TMEM165: variants seen among roughly 807,000 people sequenced by gnomAD.
TMEM165 encodes transmembrane protein 165, also known as putative divalent cation/proton antiporter TMEM165.
A neutral mutation model predicts 30.0 loss-of-function variants in TMEM165; 19 were observed. That is an observed-to-expected ratio of 0.63 (90% CI 0.44 to 0.93). The LOEUF is 0.93. TMEM165 is among the 40% of genes least tolerant of loss of function. The pLI is 0.00. For missense variants in TMEM165, 340 were observed against 417.0 expected (o/e 0.82, Z 1.61); for synonymous variants, 168 against 162.9 (o/e 1.03, Z -0.24).
At chr4:55,418,197 C>CT in intron 4 of TMEM165, 1 of 444,300 alleles carries the variant, frequency 2.3e-6, no homozygotes, top group Non-Finnish European at 3.9e-6. Flanking sequence ...CAGTTGGGCT[C>CT]TTTTTACTCA....
chr4:55,448,594 A>ACGCGCGCGCGCGCACGCG (rs1553891178), intron 3 of TMEM165, among the ~76,000 whole-genome samples: 2 of 81,342 alleles, frequency 2.5e-5, no homozygotes, highest in Non-Finnish European at 5.3e-5. Context: ...GCGCGCGCGC[A>ACGCGCGCGCGCGCACGCG]CGCGCGCGTG....
chr4:55,448,699 G>T, intron 3 of TMEM165: 1 of 1,168,290 alleles, frequency 8.6e-7, no homozygotes, highest in Non-Finnish European at 1.2e-6. Context: ...CAGCAAGCCT[G>T]GATTTTTAAA....
chr4:55,402,347 C>A lies in TMEM165; in HGVS notation c.207+5951C>A, dbSNP rs1318360423. ...ATTAAAATACTTTAATGTTATCTTTCGAAATCAGGTTTATCTGTGGTGTCA... is the reference window on the plus strand; with the variant it reads ...ATTAAAATACTTTAATGTTATCTTTAGAAATCAGGTTTATCTGTGGTGTCA... On this transcript the variant is annotated intron_variant, in intron 1 of 5. Transcript: ENST00000381334. Among the ~76,000 whole-genome samples, 4 of 130,110 alleles carry A rather than the reference C, an allele frequency of 3.1e-5. No homozygotes were observed. The East Asian group carries it at 8.8e-4, about 29-fold the overall frequency. 85.4% of individuals were successfully genotyped at this position (130,110 alleles called of 152,430 possible).
chr4:55,448,933 A>C (rs1724182980), intron 3 of TMEM165: 1 of 1,203,996 alleles, frequency 8.3e-7, no homozygotes, highest in African/African-American at 1.5e-5. Context: ...CTTCCAGCAG[A>C]AATATCAATA....
intron 3 of TMEM165, among the ~76,000 whole-genome samples, chr4:55,441,009 A>G (rs1015350164): frequency 6.6e-6 from 1 of 152,144 alleles, no homozygotes; most frequent in Non-Finnish European, 1.5e-5. Flanking sequence ...AAAACTGCTC[A>G]CTTCCTCCTT....
At chr4:55,403,201 A>G in intron 1 of TMEM165, 1 of 1,202,032 alleles carries the variant, frequency 8.3e-7, no homozygotes, top group Non-Finnish European at 1.1e-6. Context: ...TTGTTTGATA[A>G]CTTATTGAGC....
At position 55,417,831 on chromosome 4, in the gene TMEM165, C is replaced by T. The variant is rs748314782; in HGVS notation, c.638C>T (p.Pro213Leu). The T allele has an allele frequency of 1.1e-5, 17 of 1,609,836 alleles. No individual in the cohort carries two copies. The African/African-American group carries it at 1.3e-4, about 13-fold the overall frequency. Residue 213 changes from proline (P) to leucine (L), a missense_variant, in exon 4 of 6, where the codon CCG becomes CTG. Around this residue, in one of 2 missense-constraint regions of TMEM165, gnomAD observed 220 missense variants for 307.6 expected, o/e 0.72. Coordinates refer to ENST00000381334, the MANE Select transcript of TMEM165 (RefSeq NM_018475.5). ...CAACGAACCAAACTTTTAAATGGAC[C>T]GGGAGATGTTGAAACGGGTACAAGC... ...EFQRTKLLNG[P>L]GDVETGTSIT...
intron 3 of TMEM165, among the ~76,000 whole-genome samples, chr4:55,436,911 T>A (rs1455185019): frequency 6.9e-6 from 1 of 145,164 alleles, no homozygotes; most frequent in African/African-American, 2.8e-5. Flanking sequence ...TTTTTTTTTT[T>A]TGAGAATGTT....
intron 3 of TMEM165, among the ~76,000 whole-genome samples, chr4:55,448,583 T>TGC (rs1016031959): frequency 1.9e-5 from 2 of 106,080 alleles, no homozygotes; most frequent in Non-Finnish European, 4.1e-5. Context: ...ATTATATATG[T>TGC]GCGCGCGCGC....
chr4:55,447,738 C>G (rs1047126207), intron 3 of TMEM165, among the ~76,000 whole-genome samples: 10 of 152,062 alleles, frequency 6.6e-5, no homozygotes, highest in African/African-American at 2.4e-4. Context: ...ATATGTATGA[C>G]TTAAATTAAA....
intron 4 of TMEM165, chr4:55,423,800 A>ACTCCAAGATGATAGGGTCCTCCCT (rs1203535660): frequency 6.6e-6 from 1 of 152,256 alleles, no homozygotes; most frequent in Non-Finnish European, 1.5e-5. Flanking sequence ...CACAGTTTAA[A>ACTCCAAGATGATAGGGTCCTCCCT]CTCCAAGATG....
intron 1 of TMEM165, among the ~76,000 whole-genome samples, chr4:55,404,687 A>T (rs1260853314): frequency 6.7e-6 from 1 of 150,328 alleles, no homozygotes; most frequent in Admixed American, 6.6e-5. Context: ...GTCCTCCTGC[A>T]TCGGCCTCCC....
At chr4:55,400,296 A>AATATTATATATTATATATT (rs1720924734) in intron 1 of TMEM165, among the ~76,000 whole-genome samples, 1 of 103,600 alleles carries the variant, frequency 9.7e-6, no homozygotes, top group Admixed American at 1.4e-4. Flanking sequence ...TATTATATAT[A>AATATTATATATTATATATT]ATATTATATA....
downstream of TMEM165, chr4:55,430,239 T>TA (rs1323752673): frequency 1.3e-5 from 2 of 152,306 alleles, no homozygotes; most frequent in African/African-American, 4.8e-5. Context: ...GAATTTCACT[T>TA]AGTTGTCTCT....
At chr4:55,447,435 T>C (rs1000789659) in intron 3 of TMEM165, among the ~76,000 whole-genome samples, 3 of 152,198 alleles carry the variant, frequency 2.0e-5, no homozygotes, top group African/African-American at 7.2e-5. Flanking sequence ...ATTTGTACCT[T>C]TGGACAAGCA....
In TMEM165 at chr4:55,449,393, T is replaced by C. The variant is rs185157853; in HGVS notation, c.409-2846T>C. 2.1e-5 allele frequency: 34 copies of C among 1,610,902 alleles called. No individual in the cohort carries two copies. The African/African-American group carries it at 3.7e-4, about 18-fold the overall frequency. On this transcript the variant is annotated intron_variant, in intron 3 of 3. Transcript: ENST00000608091. The stretch of plus-strand genomic sequence containing the variant: ...TCAGAAGAATATCCACTAAAGAGCT[T>C]ACCTGACTACTAAATGATGACCTTC...
chr4:55,402,433 A>AT (rs1170738654), intron 1 of TMEM165, among the ~76,000 whole-genome samples: 17 of 30,796 alleles, frequency 5.5e-4, no homozygotes, highest in African/African-American at 1.1e-3. Context: ...ATATATATAT[A>AT]TTTTTTTTTT....
At position 55,411,853 on chromosome 4, in the gene TMEM165, T is replaced by C; in HGVS notation, c.433+14T>C. 6.2e-7 allele frequency: 1 copy of C among 1,612,550 alleles called. No individual in the cohort carries two copies. Among genetic ancestry groups the C allele is most frequent in the Non-Finnish European group, 8.5e-7 (1 of 1,178,552 alleles). Reference sequence around the variant, plus strand: ...CATGCTTGTCAGGTGAGTGTGCTTTTCCCTCTCATGAGTTCGCTGAATTAA... The same window carrying C: ...CATGCTTGTCAGGTGAGTGTGCTTTCCCCTCTCATGAGTTCGCTGAATTAA... On this transcript the variant is annotated intron_variant, in intron 2 of 5. Coordinates refer to ENST00000381334, the MANE Select transcript of TMEM165 (RefSeq NM_018475.5).
At chr4:55,400,940 AT>A (rs1720973190) in intron 1 of TMEM165, among the ~76,000 whole-genome samples, 1 of 150,776 alleles carries the variant, frequency 6.6e-6, no homozygotes, top group African/African-American at 2.5e-5. Flanking sequence ...GCCTTGCTGA[AT>A]ATGTAAGTTT....
Sources: gnomAD v4.1 joint callset for allele counts (sites outside exome capture counted in the v4.1 genomes callset) on GRCh38, gnomAD v4.1.1 for gene constraint, gnomAD v4.1.1 regional missense constraint, MANE v1.5 for transcripts, NCBI Gene and HGNC (gene_info 2026-07-23, HGNC 2026-07-21) for gene names.